The following LAMA2 variants were observed in gnomAD, a reference collection of about 807,000 sequenced individuals.
The protein encoded by LAMA2 is laminin subunit alpha 2, also known as laminin subunit alpha-2.
Under a neutral mutation model 364.8 loss-of-function variants are expected in LAMA2, and 269 were observed. The observed-to-expected ratio is 0.74, with a 90% CI of 0.67 to 0.82. The LOEUF (loss-of-function observed/expected upper bound fraction) is 0.82, where lower values mean the gene tolerates loss of function less well. Ranked by LOEUF, LAMA2 falls within the 40% of genes least tolerant of loss-of-function variation. The pLI is 0.00. For missense variants in LAMA2, 3,807 were observed against 3,873.2 expected, an observed-to-expected ratio of 0.98 and a Z score of 0.45; for synonymous variants, 1,379 against 1,370.6, an observed-to-expected ratio of 1.01 and a Z score of -0.14.
At chr6:129,353,019 A>G (rs1246964687) in intron 31 of LAMA2, 145 bp from the exon 32 acceptor site, 16 of 585,780 alleles carry the variant, frequency 2.7e-5, no homozygotes, top group Non-Finnish European at 4.2e-5. Flanking sequence ...CCTACTGTTT[A>G]CTATCTGACC....
At chr6:129,079,930 C>T (rs578059042) in intron 3 of LAMA2, among the ~76,000 whole-genome samples, 3 of 152,142 alleles carry the variant, frequency 2.0e-5, no homozygotes, top group Admixed American at 6.5e-5. Flanking sequence ...TGTGATATGT[C>T]GCCAATGCAA....
At chr6:128,982,578 GT>G (rs567285105) in intron 1 of LAMA2, among the ~76,000 whole-genome samples, 3 of 151,406 alleles carry the variant, frequency 2.0e-5, no homozygotes, top group Non-Finnish European at 2.9e-5. Context: ...TTTTTTACCA[GT>G]TTTTTTCCAG....
chr6:129,103,480 C>T (rs1159811920), intron 4 of LAMA2, among the ~76,000 whole-genome samples: 1 of 152,142 alleles, frequency 6.6e-6, no homozygotes, highest in African/African-American at 2.4e-5. Flanking sequence ...AGGTTTCATT[C>T]ATTTTACCAA....
chr6:129,221,010 A>G (rs986582221), intron 12 of LAMA2, among the ~76,000 whole-genome samples: 4 of 152,048 alleles, frequency 2.6e-5, no homozygotes, highest in African/African-American at 7.2e-5. Context: ...AAAAATACAA[A>G]AATTAGCCGG....
intron 8 of LAMA2, among the ~76,000 whole-genome samples, chr6:129,163,252 C>T (rs938079098): frequency 5.9e-5 from 9 of 151,948 alleles, no homozygotes; most frequent in South Asian, 2.1e-4. Flanking sequence ...TTTCTTTCTC[C>T]GTTCTTTAGA....
intron 30 of LAMA2, among the ~76,000 whole-genome samples, chr6:129,342,807 T>A (rs1253615197): frequency 6.6e-6 from 1 of 152,162 alleles, no homozygotes; most frequent in African/African-American, 2.4e-5. Flanking sequence ...CTGCCCATAA[T>A]ATCATCTATG....
At chr6:129,305,169 G>T (rs1773787571) in intron 22 of LAMA2, among the ~76,000 whole-genome samples, 1 of 152,154 alleles carries the variant, frequency 6.6e-6, no homozygotes, top group Non-Finnish European at 1.5e-5. Flanking sequence ...ATTGTGAAAT[G>T]TCTCTCTTTA....
chr6:129,330,847 C>A (rs1775606353), intron 29 of LAMA2, among the ~76,000 whole-genome samples: 2 of 151,964 alleles, frequency 1.3e-5, no homozygotes, highest in Non-Finnish European at 2.9e-5. Flanking sequence ...CTGTGAGAAT[C>A]CTACCATCTC....
chr6:129,049,479 C>T (rs1031994125), intron 1 of LAMA2, among the ~76,000 whole-genome samples: 7 of 151,976 alleles, frequency 4.6e-5, no homozygotes, highest in African/African-American at 1.7e-4. Flanking sequence ...ATAATTAGAG[C>T]ATGAAATGAC....
chr6:129,369,910 C>A lies in LAMA2; in HGVS notation c.4879C>A (p.Arg1627=). 1 of 1,613,954 alleles carries A rather than the reference C, an allele frequency of 6.2e-7. No individual in the cohort carries two copies. Among genetic ancestry groups the A allele is most frequent in the Non-Finnish European group, 8.5e-7 (1 of 1,179,886 alleles). ...QELKHLLSPQ[R]APERLIQLAE... is the part of the protein sequence containing the mutation. ...TTTTCAGCACTTGCTGTCACCTCAG[C>A]GGGCCCCAGAGAGGCTTATTCAGCT... Residue 1627 remains arginine (R), a synonymous_variant, in exon 34 of 65, where the codon CGG becomes AGG. Coordinates refer to ENST00000421865, the MANE Select transcript of LAMA2 (RefSeq NM_000426.4).
intron 49 of LAMA2, among the ~76,000 whole-genome samples, 154 bp from the exon 50 acceptor site, chr6:129,464,136 A>T (rs1375836863): frequency 6.6e-6 from 1 of 151,978 alleles, no homozygotes; most frequent in African/African-American, 2.4e-5. Context: ...GCACGGTGGC[A>T]GTAGAGATGG....
At chr6:129,229,789 T>C (rs1451107225) in intron 12 of LAMA2, among the ~76,000 whole-genome samples, 1 of 152,162 alleles carries the variant, frequency 6.6e-6, no homozygotes, top group Non-Finnish European at 1.5e-5. Context: ...TGAGGATTAT[T>C]TCCCAACTAT....
chr6:129,438,733 C>T lies in LAMA2; in HGVS notation c.6056C>T (p.Thr2019Ile), dbSNP rs142276947. 6 of 1,599,334 alleles carry T rather than the reference C, an allele frequency of 3.8e-6. No individual in the cohort carries two copies. The highest frequency in any genetic ancestry group is 1.3e-5 in the African/African-American group (1 of 74,682). The change falls in exon 42 of 65, where the codon ACT (threonine) becomes ATT (isoleucine). Residue 2019 changes from threonine to isoleucine, a missense_variant. By Grantham distance (89) the Thr-to-Ile change is moderately conservative (BLOSUM62 -1). Around this residue, in one of 3 missense-constraint regions of LAMA2, gnomAD observed 3,333 missense variants for 3,345.7 expected, o/e 1.00. Coordinates refer to ENST00000421865, the MANE Select transcript of LAMA2 (RefSeq NM_000426.4). ...GATCTCTTGAGAACTTTGAATGACA[C>T]TTTGGGAAAGTTATCAGCTATTCCA... is the stretch of plus-strand genomic sequence containing the variant. ...NGDLLRTLND[T>I]LGKLSAIPND...
intron 31 of LAMA2, among the ~76,000 whole-genome samples, chr6:129,350,485 C>T (rs1415747447): frequency 6.6e-6 from 1 of 152,198 alleles, no homozygotes; most frequent in Non-Finnish European, 1.5e-5. Context: ...CCATGACTAA[C>T]CAGCGTGAGA....
At chr6:128,928,928 T>C in intron 1 of LAMA2, 2 of 800,048 alleles carry the variant, frequency 2.5e-6, no homozygotes, top group Non-Finnish European at 4.3e-6. Context: ...CTAAGTGGAA[T>C]ACACAACAGA....
rs903570515 is a variant in LAMA2 at position 129,220,355 on chromosome 6, C to T, written c.1782+27502C>T. On this transcript the variant is annotated intron_variant, in intron 12 of 64. Coordinates refer to ENST00000421865, the MANE Select transcript of LAMA2 (RefSeq NM_000426.4). ...CTCTTGGTAAGAGCTTTCCTTCAGG[C>T]ACAAAATGAGATAAAAGTAATGACA... is the stretch of plus-strand genomic sequence containing the variant. Among the ~76,000 whole-genome samples, 12 of 152,194 alleles carry T rather than the reference C, an allele frequency of 7.9e-5. No homozygotes were observed. In the East Asian group the frequency reaches 2.3e-3, roughly 29 times the overall value.
At position 129,353,183 on chromosome 6, in the gene LAMA2, G is replaced by A; in HGVS notation, c.4543G>A (p.Gly1515Ser). The change falls in exon 32 of 65, where the codon GGC (glycine) becomes AGC (serine). Residue 1515 changes from glycine to serine, a missense_variant. Transcript: ENST00000421865. The part of the protein sequence containing the change: ...YCERCAPGYT[G>S]SPGNPGGSCQ... The stretch of plus-strand genomic sequence containing the variant: ...ATTCAGGTGTGCCCCTGGCTATACT[G>A]GCAGTCCAGGCAACCCTGGAGGCTC... The A allele has an allele frequency of 6.2e-7, 1 of 1,613,644 alleles. No homozygotes were observed. The highest frequency in any genetic ancestry group is 1.3e-5 in the African/African-American group (1 of 74,984).
intron 1 of LAMA2, among the ~76,000 whole-genome samples, chr6:128,952,050 C>G (rs1780855806): frequency 9.9e-5 from 15 of 151,962 alleles, no homozygotes; most frequent in Admixed American, 9.8e-4. Flanking sequence ...GTCTGTAGTC[C>G]CTGATACTCG....
In LAMA2 at chr6:129,401,270, C is replaced by T; in HGVS notation, c.5492C>T (p.Thr1831Ile). The change falls in exon 38 of 65, where the codon ACT becomes ATT. Residue 1831 changes from threonine to isoleucine, a missense_variant. Transcript: ENST00000421865. ...AGCGGCAAACGACAAATTGAGAACA[C>T]TTTAAAAGAGGGCAATGACATACTC... ...VESGKRQIEN[T>I]LKEGNDILDE... 1 of 1,612,852 alleles carries T rather than the reference C, an allele frequency of 6.2e-7. No homozygotes were observed. Among genetic ancestry groups the T allele is most frequent in the Non-Finnish European group, 8.5e-7 (1 of 1,178,928 alleles).
Sources: gnomAD v4.1 joint callset for allele counts (sites outside exome capture counted in the v4.1 genomes callset) on GRCh38, gnomAD v4.1.1 for gene constraint, gnomAD v4.1.1 regional missense constraint, MANE v1.5 for transcripts, NCBI Gene and HGNC (gene_info 2026-07-23, HGNC 2026-07-21) for gene names.